The following HDAC4 variants were observed in gnomAD, a reference collection of about 807,000 sequenced individuals.
The protein encoded by HDAC4 is histone deacetylase 4.
HDAC4 carries 16 observed loss-of-function variants against 135.1 expected under a neutral mutation model. The observed-to-expected ratio is 0.12, with a 90% CI of 0.08 to 0.18. The LOEUF (loss-of-function observed/expected upper bound fraction) is 0.18, where lower values mean the gene tolerates loss of function less well. Among genes scored for constraint, HDAC4 ranks in the 10% least tolerant of loss-of-function variants. The pLI, the probability that HDAC4 is intolerant of heterozygous loss-of-function variation, is 1.00. For missense variants in HDAC4, 1,143 were observed against 1,511.8 expected, an observed-to-expected ratio of 0.76 and a Z score of 4.05; for synonymous variants, 685 against 653.4, an observed-to-expected ratio of 1.05 and a Z score of -0.74.
intron 9 of HDAC4, among the ~76,000 whole-genome samples, chr2:239,136,153 T>C (rs1559493898): frequency 1.3e-5 from 2 of 152,220 alleles, no homozygotes; most frequent in East Asian, 3.8e-4. Flanking sequence ...GTAATCATGC[T>C]AGTTAGTGGG....
chr2:239,286,586 G>A (rs989884776), intron 2 of HDAC4, among the ~76,000 whole-genome samples: 2 of 152,154 alleles, frequency 1.3e-5, no homozygotes, highest in African/African-American at 2.4e-5. Flanking sequence ...CACTAGCTGC[G>A]GATTTCCAGG....
rs368063691 is a variant in HDAC4, at chr2:239,306,983, C to T, written c.22+45695G>A. On this transcript the variant is annotated intron_variant, in intron 2 of 26. Coordinates refer to ENST00000543185, the MANE Select transcript of HDAC4 (RefSeq NM_001378414.1). The surrounding 1 kb of genome is among the most constrained non-coding windows in gnomAD (Gnocchi z 4.5). ...AGGGTAACCCAGAAGCAGCAGGAGC[C>T]GCAGGACCATAGGGGCCACCGGCAG... is the stretch of plus-strand genomic sequence containing the variant. Among the ~76,000 whole-genome samples the T allele has an allele frequency of 3.5e-4, 53 of 152,194 alleles. No individual in the cohort carries two copies. Among genetic ancestry groups the T allele is most frequent in the African/African-American group, 1.3e-3 (52 of 41,532 alleles).
chr2:239,233,555 G>T (rs1346057406), intron 3 of HDAC4, among the ~76,000 whole-genome samples: 1 of 151,996 alleles, frequency 6.6e-6, no homozygotes, highest in East Asian at 1.9e-4. Context: ...CAAAGCACAT[G>T]ATATGCTCAC....
chr2:239,266,752 T>TTGTAAA (rs542918430), intron 2 of HDAC4, among the ~76,000 whole-genome samples: 295 of 152,304 alleles, frequency 1.9e-3, no homozygotes, highest in African/African-American at 6.7e-3. Flanking sequence ...CAAAGGGGAC[T>TTGTAAA]GTGAGCTTGT....
chr2:239,276,815 A>G (rs2050396323), intron 2 of HDAC4, among the ~76,000 whole-genome samples: 1 of 152,230 alleles, frequency 6.6e-6, no homozygotes, highest in African/African-American at 2.4e-5. Context: ...AGGGGGAATG[A>G]CAACAGGCTC....
intron 1 of HDAC4, among the ~76,000 whole-genome samples, chr2:239,389,150 T>C (rs569000062): frequency 9.9e-5 from 15 of 152,024 alleles, no homozygotes; most frequent in African/African-American, 3.1e-4. Flanking sequence ...AGCTAAAGGA[T>C]TGTAAATGCA....
chr2:239,147,611 C>T (rs962865470), intron 7 of HDAC4, among the ~76,000 whole-genome samples: 3 of 152,258 alleles, frequency 2.0e-5, no homozygotes, highest in East Asian at 3.9e-4. Flanking sequence ...GATCCCACCC[C>T]TAAGAGGGCT....
At chr2:239,325,951 G>C (rs534036127) in intron 2 of HDAC4, among the ~76,000 whole-genome samples, 1 of 152,132 alleles carries the variant, frequency 6.6e-6, no homozygotes, top group African/African-American at 2.4e-5. Context: ...GGGCAACAGA[G>C]TGGGATGAAA....
At chr2:239,165,000 A>G (rs751797093) in intron 5 of HDAC4, among the ~76,000 whole-genome samples, 5 of 152,354 alleles carry the variant, frequency 3.3e-5, no homozygotes, top group Non-Finnish European at 7.3e-5. Flanking sequence ...AGGAGGGCAG[A>G]CTGCCTGACC....
chr2:239,299,305 G>T lies in HDAC4; in HGVS notation c.22+53373C>A, dbSNP rs1377086656. On this transcript the variant is annotated intron_variant, in intron 2 of 26. Transcript: ENST00000543185. This position sits in a 1 kb window ranked among gnomAD's most constrained non-coding sequence, Gnocchi z 4.0. Reference sequence around the variant, plus strand: ...CATGATTGGTCCATCCTGTACAATAGGTTTATTTGTTTTGTTTCAAATGCC... The same window carrying T: ...CATGATTGGTCCATCCTGTACAATATGTTTATTTGTTTTGTTTCAAATGCC... Among the ~76,000 whole-genome samples, 2 of 152,170 alleles carry T rather than the reference G, an allele frequency of 1.3e-5. No individual in the cohort carries two copies. The highest frequency in any genetic ancestry group is 4.8e-5 in the African/African-American group (2 of 41,436).
chr2:239,375,572 C>T (rs952663618), intron 1 of HDAC4, among the ~76,000 whole-genome samples: 2 of 152,248 alleles, frequency 1.3e-5, no homozygotes, highest in African/African-American at 2.4e-5. Context: ...ATGGCACTCA[C>T]GCCTACCTGG....
chr2:239,277,926 T>G (rs1189035239), intron 2 of HDAC4, among the ~76,000 whole-genome samples: 4 of 144,566 alleles, frequency 2.8e-5, no homozygotes, highest in African/African-American at 5.6e-5. Flanking sequence ...AGCCACACAC[T>G]CCAGCCACAC....
intron 18 of HDAC4, among the ~76,000 whole-genome samples, chr2:239,089,483 A>G (rs1001278262): frequency 3.9e-5 from 6 of 152,130 alleles, no homozygotes; most frequent in African/African-American, 1.4e-4. Context: ...ATGCGCCACC[A>G]TGCCCAGCTA....
intron 15 of HDAC4, among the ~76,000 whole-genome samples, chr2:239,103,680 G>A (rs1396358910): frequency 2.0e-5 from 3 of 152,136 alleles, no homozygotes; most frequent in Admixed American, 6.5e-5. Flanking sequence ...TCTCCCTCCC[G>A]ACTGCAGCCC....
chr2:239,284,009 G>A (rs1010495672), intron 2 of HDAC4, among the ~76,000 whole-genome samples: 1 of 152,308 alleles, frequency 6.6e-6, no homozygotes, highest in African/African-American at 2.4e-5. Context: ...TCGGCGCAGG[G>A]GCCCCCAGCC....
chr2:239,098,551 C>T (rs58471154), intron 16 of HDAC4, among the ~76,000 whole-genome samples: 11,108 of 152,332 alleles, frequency 0.073, 1,371 homozygotes, highest in African/African-American at 0.25. Flanking sequence ...AGATGAGCCA[C>T]GTGACTTTCA....
At chr2:239,269,155 C>T (rs1431865834) in intron 2 of HDAC4, among the ~76,000 whole-genome samples, 6 of 151,908 alleles carry the variant, frequency 3.9e-5, no homozygotes, top group Non-Finnish European at 4.4e-5. Context: ...TACATTCATA[C>T]ATCTACACAA....
chr2:239,196,471 G>A (rs533730173), intron 3 of HDAC4, among the ~76,000 whole-genome samples: 35 of 152,254 alleles, frequency 2.3e-4, no homozygotes, highest in African/African-American at 8.2e-4. Flanking sequence ...CTGAAAACAC[G>A]TCCTTTGCTT....
At chr2:239,228,417 T>C (rs558151003) in intron 3 of HDAC4, among the ~76,000 whole-genome samples, 14 of 151,872 alleles carry the variant, frequency 9.2e-5, no homozygotes, top group African/African-American at 3.4e-4. Context: ...CTGTGAGAGT[T>C]AGGAGGAAAG....
Sources: gnomAD v4.1 joint callset for allele counts (sites outside exome capture counted in the v4.1 genomes callset) on GRCh38, gnomAD v4.1.1 for gene constraint, Gnocchi (gnomAD v3.1) non-coding constraint, MANE v1.5 for transcripts, NCBI Gene and HGNC (gene_info 2026-07-23, HGNC 2026-07-21) for gene names.